RALGPS1: variants seen among roughly 807,000 people sequenced by gnomAD.
The protein encoded by RALGPS1 is ras-specific guanine nucleotide-releasing factor RalGPS1.
RALGPS1 carries 19 observed loss-of-function variants against 78.8 expected under a neutral mutation model. The observed-to-expected ratio is 0.24, with a 90% CI of 0.17 to 0.35. The LOEUF (loss-of-function observed/expected upper bound fraction) is 0.35. Ranked by LOEUF, RALGPS1 falls within the 10% of genes least tolerant of loss-of-function variation. The pLI is 1.00. For missense variants in RALGPS1, 454 were observed against 688.3 expected (o/e 0.66, Z 3.81); for synonymous variants, 228 against 256.3 (o/e 0.89, Z 1.06).
intron 8 of RALGPS1, among the ~76,000 whole-genome samples, chr9:127,113,080 G>A (rs1405028403): frequency 6.6e-6 from 1 of 152,154 alleles, no homozygotes. Context: ...GCTTAGTGGG[G>A]GTGACTCAGA....
chr9:127,106,829 G>C (rs1308971435), intron 8 of RALGPS1: 1 of 152,162 alleles, frequency 6.6e-6, no homozygotes, highest in African/African-American at 2.4e-5. Context: ...CAGTACTGGT[G>C]GTTATTTTTA....
At chr9:127,015,024 A>C (rs186304509) in intron 4 of RALGPS1, among the ~76,000 whole-genome samples, 6 of 152,360 alleles carry the variant, frequency 3.9e-5, no homozygotes, top group Admixed American at 3.9e-4. Context: ...ATTTAAGCCC[A>C]TTATATAGTA....
At chr9:127,071,147 A>C (rs903295336) in intron 8 of RALGPS1, among the ~76,000 whole-genome samples, 1 of 151,438 alleles carries the variant, frequency 6.6e-6, no homozygotes, top group African/African-American at 2.4e-5. Context: ...TATTTGCTTT[A>C]GTATTTCTAA....
chr9:126,989,367 G>A (rs1250085140), intron 4 of RALGPS1, among the ~76,000 whole-genome samples: 1 of 152,152 alleles, frequency 6.6e-6, no homozygotes, highest in Non-Finnish European at 1.5e-5. Flanking sequence ...AGGAGGGGAA[G>A]ACTCAAGCCA....
In RALGPS1 at chr9:127,132,130, T is replaced by A. The variant is rs544558148; in HGVS notation, c.611-33939T>A. On this transcript the variant is annotated intron_variant, in intron 8 of 18. Coordinates refer to ENST00000259351, the MANE Select transcript of RALGPS1 (RefSeq NM_014636.3). ...CTGGTTACGTATCATGCAGGAAAAATGCGGTTTGGCTTTTTTCAGGCATTT... is the reference window on the plus strand; with the variant it reads ...CTGGTTACGTATCATGCAGGAAAAAAGCGGTTTGGCTTTTTTCAGGCATTT... Among the ~76,000 whole-genome samples the A allele has an allele frequency of 3.5e-4, 53 of 152,172 alleles. 1 individual carries two copies. The South Asian group carries it at 7.3e-3, about 21-fold the overall frequency.
rs201379713 is a variant in RALGPS1 at position 127,207,225 on chromosome 9, C to T, written c.1248-4906C>T. On this transcript the variant is annotated intron_variant, in intron 14 of 18. Transcript: ENST00000259351. ...TATCATCATCCCATGACCCCATCCT[C>T]CTGCTCATCATCACCTTGTACACCC... 2.0e-5 allele frequency among the ~76,000 whole-genome samples: 3 copies of T among 152,108 alleles called. No homozygotes were observed. The East Asian group carries it at 5.8e-4, about 29-fold the overall frequency.
chr9:126,965,753 G>T (rs773586269), intron 2 of RALGPS1, 91 bp from the exon 3 acceptor site: 3 of 931,564 alleles, frequency 3.2e-6, no homozygotes, highest in Non-Finnish European at 3.4e-6. Flanking sequence ...CTATTCCATT[G>T]CTCTCCCATC....
intron 8 of RALGPS1, among the ~76,000 whole-genome samples, chr9:127,147,047 T>C (rs777688716): frequency 1.3e-5 from 2 of 152,200 alleles, no homozygotes; most frequent in Non-Finnish European, 2.9e-5. Context: ...CTGTTGATTT[T>C]TTTAACTTTT....
chr9:127,196,745 C>T, intron 13 of RALGPS1, 114 bp downstream of exon 13: 2 of 1,271,042 alleles, frequency 1.6e-6, no homozygotes, highest in Admixed American at 2.5e-5. Context: ...TTCTTGGGGA[C>T]CCAGTGGCCC....
chr9:127,054,567 A>G (rs758776207), intron 7 of RALGPS1, among the ~76,000 whole-genome samples: 1 of 152,186 alleles, frequency 6.6e-6, no homozygotes, highest in Non-Finnish European at 1.5e-5. Context: ...GTGTACTGCC[A>G]GGACAGTGGG....
intron 8 of RALGPS1, among the ~76,000 whole-genome samples, chr9:127,133,820 C>T (rs562284336): frequency 3.9e-5 from 6 of 152,212 alleles, no homozygotes; most frequent in South Asian, 2.1e-4. Flanking sequence ...ACACCCCAGA[C>T]ACTCGGCCTA....
intron 4 of RALGPS1, among the ~76,000 whole-genome samples, chr9:127,009,479 A>G (rs1217410740): frequency 1.3e-5 from 2 of 152,214 alleles, no homozygotes; most frequent in Non-Finnish European, 2.9e-5. Context: ...GTGAGTATAA[A>G]TATCCCCTTT....
In RALGPS1 at chr9:126,962,322, G is replaced by C. The variant is rs772457027; in HGVS notation, c.33G>C (p.Val11=). The C allele has an allele frequency of 1.2e-6, 2 of 1,614,186 alleles. No individual in the cohort carries two copies. The highest frequency in any genetic ancestry group is 3.3e-5 in the Admixed American group (2 of 60,032). The change falls in exon 2 of 19, where the codon GTG becomes GTC. Residue 11 remains valine (V), a synonymous_variant. Transcript: ENST00000259351. ...AGAGGAATGGTCTGATGGCTAGCGT[G>C]TTGGTCACCTCTGCCACTCCACAGG... is the stretch of plus-strand genomic sequence containing the variant. MYKRNGLMAS[V]LVTSATPQGS...
intron 11 of RALGPS1, among the ~76,000 whole-genome samples, chr9:127,174,993 AGAGCCTGAGTGTTAGAGCCT>A (rs2139902258): frequency 6.6e-6 from 1 of 152,194 alleles, no homozygotes; most frequent in East Asian, 1.9e-4. Flanking sequence ...GCTCCCTGGA[AGAGCCTGAGTGTTAGAGCCT>A]GGGCCTGAAC....
intron 14 of RALGPS1, among the ~76,000 whole-genome samples, chr9:127,209,763 G>A (rs1290879875): frequency 1.3e-5 from 2 of 152,142 alleles, no homozygotes; most frequent in Non-Finnish European, 1.5e-5. Context: ...CAGGTACGAT[G>A]TACCTGCTGC....
intron 1 of RALGPS1, among the ~76,000 whole-genome samples, chr9:126,958,142 A>AAAAAAAAAAAAAAAAAAAT (rs113413659): frequency 1.3e-5 from 1 of 77,106 alleles, no homozygotes; most frequent in Non-Finnish European, 2.8e-5. Flanking sequence ...AAAAAAAAAA[A>AAAAAAAAAAAAAAAAAAAT]ATATATATAT....
At position 127,219,259 on chromosome 9, in the gene RALGPS1, G is replaced by A. The variant is rs532889325; in HGVS notation, c.*490G>A. The A allele has an allele frequency of 2.7e-4, 43 of 160,978 alleles. No individual in the cohort carries two copies. Among genetic ancestry groups the A allele is most frequent in the Middle Eastern group, 5.6e-3 (2 of 354 alleles). 10.0% of individuals were successfully genotyped at this position (160,978 alleles called of 1,614,324 possible). On this transcript the variant is annotated 3_prime_UTR_variant, in exon 19 of 19. Transcript: ENST00000259351. The surrounding 1 kb of genome is among the most constrained non-coding windows in gnomAD (Gnocchi z 5.0). ...CGTCCTCTGCGTGTGCGTGCTGTAC[G>A]TGTGTGTGTGTGTGTGAGCGAGTGT...
chr9:126,958,142 A>AAAAAATATATATATATAT (rs113413659), intron 1 of RALGPS1, among the ~76,000 whole-genome samples: 3 of 77,096 alleles, frequency 3.9e-5, no homozygotes, highest in South Asian at 5.2e-4. Context: ...AAAAAAAAAA[A>AAAAAATATATATATATAT]ATATATATAT....
intron 4 of RALGPS1, among the ~76,000 whole-genome samples, chr9:127,014,520 G>A (rs565295022): frequency 2.0e-5 from 3 of 152,278 alleles, no homozygotes; most frequent in East Asian, 3.9e-4. Context: ...ATCAAAAAGC[G>A]AGTTAACTGG....
Sources: allele counts gnomAD v4.1 joint callset (sites outside exome capture counted in the v4.1 genomes callset), GRCh38; gene constraint gnomAD v4.1.1; non-coding constraint Gnocchi (gnomAD v3.1); transcripts MANE v1.5; gene names NCBI Gene and HGNC (gene_info 2026-07-23, HGNC 2026-07-21).